Variants in MYO10 observed in about 807,000 individuals in gnomAD.
The protein encoded by MYO10 is unconventional myosin-X.
MYO10 carries 133 observed loss-of-function variants against 257.3 expected under a neutral mutation model. That is an observed-to-expected ratio of 0.52 (90% CI 0.45 to 0.60). MYO10 has a LOEUF of 0.60. Among genes scored for constraint, MYO10 ranks in the 20% least tolerant of loss-of-function variants. MYO10 has a pLI of 0.00. For missense variants in MYO10, 2,399 were observed against 2,635.7 expected, an observed-to-expected ratio of 0.91 and a Z score of 1.97; for synonymous variants, 1,104 against 1,028.6, an observed-to-expected ratio of 1.07 and a Z score of -1.40.
At chr5:16,839,425 G>C (rs2126725419) in intron 2 of MYO10, among the ~76,000 whole-genome samples, 1 of 152,248 alleles carries the variant, frequency 6.6e-6, no homozygotes, top group East Asian at 1.9e-4. Context: ...AGATGGAACT[G>C]ATTTGCTGCA....
intron 22 of MYO10, among the ~76,000 whole-genome samples, 190 bp downstream of exon 22, chr5:16,704,389 A>G (rs1738233914): frequency 6.6e-6 from 1 of 152,114 alleles, no homozygotes; most frequent in South Asian, 2.1e-4. Context: ...GAGAAGTCAA[A>G]AAGTGCAGAG....
rs1295074323 is a variant in MYO10 at position 16,680,072 on chromosome 5, G to T, written c.4417C>A (p.His1473Asn). ...AGCTTGGTGTAGAGCCGGTAACAGT[G>T]CTTGCGCCCGTACACGGTGACGTTC... is the stretch of plus-strand genomic sequence containing the variant. ...YWNVTVYGRK[H>N]CYRLYTKLLN... Residue 1473 changes from histidine to asparagine, a missense_variant, in exon 33 of 41, where the codon CAC (histidine) becomes AAC (asparagine). By Grantham distance (68) the His-to-Asn change is moderately conservative. This residue lies in a region of MYO10 where 1,820 missense variants were observed against 1,939.4 expected (regional missense o/e 0.94). Transcript: ENST00000513610. 1 of 1,612,636 alleles carries T rather than the reference G, an allele frequency of 6.2e-7. No individual in the cohort carries two copies. Among genetic ancestry groups the T allele is most frequent in the African/African-American group, 1.3e-5 (1 of 74,642 alleles).
chr5:16,837,171 G>C (rs146401318), intron 2 of MYO10, among the ~76,000 whole-genome samples: 3,588 of 152,142 alleles, frequency 0.024, 131 homozygotes, highest in African/African-American at 0.081. Context: ...TTAGCAGGGC[G>C]TGGTGGCAGA....
At chr5:16,803,541 T>C (rs1742184002) in intron 3 of MYO10, among the ~76,000 whole-genome samples, 1 of 152,222 alleles carries the variant, frequency 6.6e-6, no homozygotes, top group Admixed American at 6.5e-5. Flanking sequence ...GCACTGATAT[T>C]TTCAGGGAGA....
At chr5:16,771,437 G>GA (rs1199592069) in intron 9 of MYO10, among the ~76,000 whole-genome samples, 1 of 151,464 alleles carries the variant, frequency 6.6e-6, no homozygotes, top group Non-Finnish European at 1.5e-5. Flanking sequence ...ATATCTGAGA[G>GA]AAAAACCAAC....
chr5:16,668,191 CT>C, intron 40 of MYO10, 85 bp downstream of exon 40: 1 of 1,345,050 alleles, frequency 7.4e-7, no homozygotes, highest in Non-Finnish European at 1.0e-6. Flanking sequence ...AGAAAATGAC[CT>C]GGTCAAAGGC....
At chr5:16,832,739 T>C (rs1743196586) in intron 2 of MYO10, among the ~76,000 whole-genome samples, 1 of 152,166 alleles carries the variant, frequency 6.6e-6, no homozygotes. Context: ...AACTCTGCTG[T>C]AAACCTCCAT....
chr5:16,893,196 CAAAAAAA>C (rs59761183), intron 1 of MYO10, among the ~76,000 whole-genome samples: 1,588 of 69,578 alleles, frequency 0.023, 32 homozygotes, highest in African/African-American at 0.077. Context: ...GACTCTGTCT[CAAAAAAA>C]AAAAAAAAAA....
intron 2 of MYO10, among the ~76,000 whole-genome samples, chr5:16,874,787 A>G (rs566199104): frequency 2.2e-4 from 34 of 152,192 alleles, no homozygotes; most frequent in Non-Finnish European, 4.1e-4. Context: ...ACCCAGTTCC[A>G]AAGTTGCTTC....
intron 4 of MYO10, among the ~76,000 whole-genome samples, chr5:16,785,546 C>T (rs1048378196): frequency 7.2e-5 from 11 of 152,152 alleles, no homozygotes; most frequent in Non-Finnish European, 1.5e-4. Flanking sequence ...ACACAGAAGC[C>T]GAAAACATTT....
At chr5:16,802,078 C>A (rs1355512960) in intron 3 of MYO10, among the ~76,000 whole-genome samples, 1 of 152,042 alleles carries the variant, frequency 6.6e-6, no homozygotes, top group Non-Finnish European at 1.5e-5. Context: ...CCAGAATACT[C>A]AAATTGATAG....
At chr5:16,818,560 C>T (rs1489677247) in intron 2 of MYO10, among the ~76,000 whole-genome samples, 1 of 151,654 alleles carries the variant, frequency 6.6e-6, no homozygotes, top group Non-Finnish European at 1.5e-5. Flanking sequence ...CCTCAGCCTC[C>T]CGAGCTGGGA....
chr5:16,876,544 T>G (rs1337333090), intron 2 of MYO10, among the ~76,000 whole-genome samples: 2 of 152,074 alleles, frequency 1.3e-5, no homozygotes, highest in Non-Finnish European at 2.9e-5. Flanking sequence ...TTTTCAACAC[T>G]CTATTTGTGA....
At chr5:16,908,995 C>T (rs1745585813) in intron 1 of MYO10, among the ~76,000 whole-genome samples, 1 of 152,190 alleles carries the variant, frequency 6.6e-6, no homozygotes, top group South Asian at 2.1e-4. Context: ...GACTGCTGAA[C>T]AGGTGCTATG....
chr5:16,814,167 G>A lies in MYO10; in HGVS notation c.279+3842C>T, dbSNP rs531349766. 1.8e-4 allele frequency among the ~76,000 whole-genome samples: 28 copies of A among 152,270 alleles called. No individual in the cohort carries two copies. The East Asian group carries it at 4.3e-3, about 23-fold the overall frequency. ...CATTTATTTATTTTTTCCTGAGACG[G>A]AGTCTCGCTCTGTCACCCAGGCTGG... is the stretch of plus-strand genomic sequence containing the variant. On this transcript the variant is annotated intron_variant, in intron 3 of 40. Transcript: ENST00000513610.
intron 1 of MYO10, among the ~76,000 whole-genome samples, chr5:16,908,473 G>C (rs763102785): frequency 8.6e-5 from 13 of 151,650 alleles, no homozygotes; most frequent in Admixed American, 7.9e-4. Flanking sequence ...GGTTACAGTG[G>C]GCTGAGATCA....
At chr5:16,689,704 C>CTTGAA in intron 28 of MYO10, 120 bp downstream of exon 28, 1 of 743,974 alleles carries the variant, frequency 1.3e-6, no homozygotes. Flanking sequence ...CTTGGTTCTT[C>CTTGAA]AAAAAAAGTC....
chr5:16,760,261 C>T (rs1313085607), intron 17 of MYO10, among the ~76,000 whole-genome samples: 1 of 147,694 alleles, frequency 6.8e-6, no homozygotes, highest in East Asian at 2.0e-4. Flanking sequence ...ACCATCCTGG[C>T]TGACATGGCG....
rs187696249 is a variant in MYO10 at position 16,915,387 on chromosome 5, T to C, written c.21+20401A>G. 1.1e-3 allele frequency among the ~76,000 whole-genome samples: 167 copies of C among 152,318 alleles called. 1 individual carries two copies. Among genetic ancestry groups the C allele is most frequent in the Non-Finnish European group, 1.9e-3 (131 of 68,026 alleles). On this transcript the variant is annotated intron_variant, in intron 1 of 40. Coordinates refer to ENST00000513610, the MANE Select transcript of MYO10 (RefSeq NM_012334.3). Reference sequence around the variant, plus strand: ...TGGCACCAAATAAGTTCCTCACAGATGTCCTCTATGATTATCGTTATTTTT... The same window carrying C: ...TGGCACCAAATAAGTTCCTCACAGACGTCCTCTATGATTATCGTTATTTTT...
Sources: gnomAD v4.1 joint callset for allele counts (sites outside exome capture counted in the v4.1 genomes callset) on GRCh38, gnomAD v4.1.1 for gene constraint, gnomAD v4.1.1 regional missense constraint, MANE v1.5 for transcripts, NCBI Gene and HGNC (gene_info 2026-07-23, HGNC 2026-07-21) for gene names.